Variants in RANBP2 observed in about 807,000 individuals in gnomAD.
RANBP2 encodes the protein E3 SUMO-protein ligase RanBP2.
Under a neutral mutation model 303.6 loss-of-function variants are expected in RANBP2, and 57 were observed. The observed-to-expected ratio is 0.19, with a 90% CI of 0.15 to 0.23. The LOEUF is 0.23. RANBP2 is among the 10% of genes least tolerant of loss of function. RANBP2 has a pLI of 1.00. For synonymous variants in RANBP2, 1,167 were observed against 1,301.5 expected (o/e 0.90, Z 2.23); for missense variants, 3,138 against 3,780.8 (o/e 0.83, Z 4.46).
At chr2:108,909,308 T>G in the RANBP2 span, among the ~76,000 whole-genome samples, 7 of 152,086 alleles carry the variant, frequency 4.6e-5, no homozygotes, top group Non-Finnish European at 1.0e-4. Flanking sequence ...GCAAATTCAG[T>G]CTCTAGGGAG....
the RANBP2 span, among the ~76,000 whole-genome samples, chr2:109,207,159 G>A: frequency 6.6e-6 from 1 of 152,166 alleles, no homozygotes; most frequent in Non-Finnish European, 1.5e-5. Flanking sequence ...GTGCAATGAC[G>A]ACACAGTGCC....
chr2:109,575,901 C>T, the RANBP2 span, among the ~76,000 whole-genome samples: 1 of 152,146 alleles, frequency 6.6e-6, no homozygotes, highest in African/African-American at 2.4e-5. Flanking sequence ...ATTGTTCTCC[C>T]TATGCAAATG....
chr2:109,350,039 G>A, the RANBP2 span, among the ~76,000 whole-genome samples: 1 of 152,230 alleles, frequency 6.6e-6, no homozygotes, highest in African/African-American at 2.4e-5. Flanking sequence ...AGAGGCTCAC[G>A]AGCTGCATCG....
At chr2:109,529,431 G>T in the RANBP2 span, among the ~76,000 whole-genome samples, 3 of 152,280 alleles carry the variant, frequency 2.0e-5, no homozygotes, top group South Asian at 2.1e-4. Context: ...GCCGGAGGGT[G>T]GGGGCAGGGG....
chr2:109,613,801 G>GT, the RANBP2 span: 1 of 1,232,902 alleles, frequency 8.1e-7, no homozygotes, highest in Non-Finnish European at 1.0e-6. Flanking sequence ...GACTCACCAG[G>GT]TGCCGCGCCA....
At chr2:109,454,717 A>G in the RANBP2 span, among the ~76,000 whole-genome samples, 1 of 152,220 alleles carries the variant, frequency 6.6e-6, no homozygotes, top group Non-Finnish European at 1.5e-5. Context: ...GTGAGCATAC[A>G]GTAGGGACGG....
the RANBP2 span, among the ~76,000 whole-genome samples, chr2:109,078,423 A>G: frequency 2.0e-5 from 3 of 148,010 alleles, 1 homozygote; most frequent in Non-Finnish European, 4.5e-5. Flanking sequence ...CAAATATCAT[A>G]TGATCTCACT....
At chr2:108,820,699 C>CAAAAAAAAAAA in the RANBP2 span, among the ~76,000 whole-genome samples, 3 of 62,552 alleles carry the variant, frequency 4.8e-5, no homozygotes, top group African/African-American at 1.1e-4. Flanking sequence ...ATTCAAAGTG[C>CAAAAAAAAAAA]AAAAAAAAAA....
Position 108,775,756 on chromosome 2 carries a change from A to G in RANBP2, c.8317A>G (p.Ser2773Gly). The G allele has an allele frequency of 6.2e-7, 1 of 1,613,836 alleles. No individual in the cohort carries two copies. Among genetic ancestry groups the G allele is most frequent in the Non-Finnish European group, 8.5e-7 (1 of 1,179,924 alleles). ...AQKSQTEEIT[S>G]TTDSVYTGGT... ...GAAATCTCAGACAGAAGAAATAACT[A>G]GCACAACTGACAGTGTATATACAGG... The change falls in exon 24 of 29, where the codon AGC becomes GGC. Residue 2773 changes from serine to glycine, a missense_variant. Ser to Gly is a moderately conservative substitution (Grantham distance 56). Coordinates refer to ENST00000283195, the MANE Select transcript of RANBP2 (RefSeq NM_006267.5).
chr2:108,748,893 T>C (rs547003464), intron 8 of RANBP2, 27 bp from the exon 9 acceptor site: 1 of 1,611,962 alleles, frequency 6.2e-7, no homozygotes, highest in African/African-American at 1.3e-5. Flanking sequence ...TTTAAAGTGA[T>C]GGAAATAACT....
the RANBP2 span, among the ~76,000 whole-genome samples, chr2:108,974,669 T>G: frequency 1.3e-5 from 2 of 151,420 alleles, no homozygotes; most frequent in African/African-American, 4.9e-5. Flanking sequence ...GGCGAAGGTT[T>G]CAGTGAGCCG....
At chr2:109,625,546 G>C in the RANBP2 span, among the ~76,000 whole-genome samples, 1 of 151,128 alleles carries the variant, frequency 6.6e-6, no homozygotes, top group Non-Finnish European at 1.5e-5. Flanking sequence ...CGTGCCTGTA[G>C]TCCCAGCTAC....
chr2:108,750,350 T>C (rs1158786468), intron 9 of RANBP2, among the ~76,000 whole-genome samples: 1 of 152,210 alleles, frequency 6.6e-6, no homozygotes, highest in Non-Finnish European at 1.5e-5. Flanking sequence ...CTTTCTGTTA[T>C]TGGGCATCCA....
chr2:108,719,507 G>C lies in RANBP2; in HGVS notation c.-100G>C, dbSNP rs1291320266. The C allele has an allele frequency of 2.0e-6, 3 of 1,530,506 alleles. No individual in the cohort carries two copies. In the East Asian group the frequency reaches 7.3e-5, roughly 37 times the overall value. 94.8% of individuals were successfully genotyped at this position (1,530,506 alleles called of 1,614,324 possible). A position where few individuals can be genotyped will look rare whatever the true frequency, so the allele number is the denominator to read the frequency against. ...ACAGTGGTCCTCCGCCGGCTACGGC[G>C]CTGCGTCACTGGTTTGCAGGCGCTT... On this transcript the variant is annotated 5_prime_UTR_variant, in exon 1 of 29. Coordinates refer to ENST00000283195, the MANE Select transcript of RANBP2 (RefSeq NM_006267.5).
chr2:109,457,705 T>C, the RANBP2 span, among the ~76,000 whole-genome samples: 1 of 152,226 alleles, frequency 6.6e-6, no homozygotes, highest in African/African-American at 2.4e-5. Context: ...GACTGCCTTC[T>C]TTTTCAACTG....
the RANBP2 span, chr2:109,585,932 T>G: frequency 1.2e-5 from 10 of 843,282 alleles, no homozygotes; most frequent in Non-Finnish European, 1.5e-5. Flanking sequence ...ATATATCAAA[T>G]AAATGAAAAT....
chr2:109,712,577 G>T, the RANBP2 span, among the ~76,000 whole-genome samples: 2 of 152,140 alleles, frequency 1.3e-5, no homozygotes, highest in African/African-American at 4.8e-5. Flanking sequence ...GATTACAGGC[G>T]TGTGCCACAA....
the RANBP2 span, among the ~76,000 whole-genome samples, chr2:109,399,654 T>A: frequency 3.9e-5 from 6 of 152,180 alleles, no homozygotes; most frequent in Admixed American, 6.5e-5. Context: ...ATTAAAAAAA[T>A]TTTTAAATAA....
At chr2:108,775,038 T>A (rs998178892) in intron 23 of RANBP2, among the ~76,000 whole-genome samples, 9 of 152,170 alleles carry the variant, frequency 5.9e-5, no homozygotes, top group African/African-American at 9.7e-5. Flanking sequence ...TTAAGATCAT[T>A]CTTTATTTCT....
Sources: gnomAD v4.1 joint callset for allele counts (sites outside exome capture counted in the v4.1 genomes callset) on GRCh38, gnomAD v4.1.1 for gene constraint, MANE v1.5 for transcripts, NCBI Gene and HGNC (gene_info 2026-07-23, HGNC 2026-07-21) for gene names.